Variants in SLCO5A1 observed in about 807,000 individuals in gnomAD.
SLCO5A1 encodes solute carrier organic anion transporter family member 5A1.
In SLCO5A1, 39 loss-of-function variants were observed where a neutral mutation model predicts 65.1. That is an observed-to-expected ratio of 0.60 (90% CI 0.46 to 0.78). SLCO5A1 has a LOEUF of 0.78. Ranked by LOEUF, SLCO5A1 falls within the 30% of genes least tolerant of loss-of-function variation. SLCO5A1 has a pLI of 0.00. For missense variants in SLCO5A1, 1,029 were observed against 1,069.4 expected, an observed-to-expected ratio of 0.96 and a Z score of 0.53; for synonymous variants, 438 against 415.7, an observed-to-expected ratio of 1.05 and a Z score of -0.65.
chr8:69,832,873 G>A lies in SLCO5A1; in HGVS notation c.-200C>T, dbSNP rs1427494682. 3.2e-6 allele frequency: 2 copies of A among 630,394 alleles called. No homozygotes were observed. The highest frequency in any genetic ancestry group is 5.4e-6 in the Non-Finnish European group (2 of 372,034). 39.1% of individuals were successfully genotyped at this position (630,394 alleles called of 1,614,324 possible). ...TCCTGATCACAGACACGGCTTCAAG[G>A]CTCCGCAGCCGCGTGCCACAGGGGG... On this transcript the variant is annotated 5_prime_UTR_variant, in exon 2 of 10. Coordinates refer to ENST00000260126, the MANE Select transcript of SLCO5A1 (RefSeq NM_030958.3). This position sits in a 1 kb window ranked among gnomAD's most constrained non-coding sequence, Gnocchi z 4.5.
At chr8:69,713,128 T>C (rs1334160441) in intron 5 of SLCO5A1, among the ~76,000 whole-genome samples, 1 of 152,206 alleles carries the variant, frequency 6.6e-6, no homozygotes. Context: ...CTCTTATCTG[T>C]TGTGAAATTA....
intron 2 of SLCO5A1, among the ~76,000 whole-genome samples, chr8:69,801,802 G>T (rs1819748773): frequency 6.6e-6 from 1 of 152,192 alleles, no homozygotes; most frequent in Non-Finnish European, 1.5e-5. Context: ...AGAGCAAACA[G>T]TGCAATCTCT....
chr8:69,706,751 C>T (rs916403751), intron 5 of SLCO5A1, among the ~76,000 whole-genome samples: 39 of 152,218 alleles, frequency 2.6e-4, no homozygotes, highest in African/African-American at 8.4e-4. Context: ...AATTTTGTTA[C>T]AGCCACCTGA....
intron 2 of SLCO5A1, among the ~76,000 whole-genome samples, chr8:69,770,758 C>T (rs1057126052): frequency 3.9e-5 from 6 of 152,140 alleles, no homozygotes; most frequent in South Asian, 2.1e-4. Context: ...TCACTGCCCC[C>T]GCCAGTGTTT....
At chr8:69,806,054 C>A (rs1490352157) in intron 2 of SLCO5A1, among the ~76,000 whole-genome samples, 2 of 152,210 alleles carry the variant, frequency 1.3e-5, no homozygotes, top group East Asian at 3.8e-4. Context: ...CACAGTACTA[C>A]TAAATTAGAC....
At chr8:69,694,141 CA>C (rs1175170262) in intron 6 of SLCO5A1, among the ~76,000 whole-genome samples, 1 of 152,198 alleles carries the variant, frequency 6.6e-6, no homozygotes, top group African/African-American at 2.4e-5. Flanking sequence ...TGTGTGCATG[CA>C]GGTGCGTACG....
intron 2 of SLCO5A1, 35 bp from the exon 3 acceptor site, chr8:69,761,910 G>A (rs368265054): frequency 3.2e-5 from 51 of 1,607,472 alleles, no homozygotes; most frequent in African/African-American, 4.0e-5. Flanking sequence ...GAAATACAGC[G>A]ACGTTTTATT....
intron 2 of SLCO5A1, among the ~76,000 whole-genome samples, chr8:69,800,015 A>AT: frequency 6.6e-6 from 1 of 152,166 alleles, no homozygotes; most frequent in South Asian, 2.1e-4. Flanking sequence ...GGTAAATGGT[A>AT]TTTTTTGCTG....
chr8:69,740,460 A>C (rs80253228), intron 4 of SLCO5A1, among the ~76,000 whole-genome samples: 2 of 152,352 alleles, frequency 1.3e-5, no homozygotes, highest in Non-Finnish European at 2.9e-5. Context: ...TTCATGGTTC[A>C]GATAGACAGA....
intron 2 of SLCO5A1, among the ~76,000 whole-genome samples, chr8:69,822,956 C>A (rs1295240717): frequency 6.6e-6 from 1 of 152,232 alleles, no homozygotes; most frequent in African/African-American, 2.4e-5. Context: ...GAAGAGCCAG[C>A]ACCCACCCTG....
At chr8:69,751,398 G>T (rs1338869744) in intron 4 of SLCO5A1, among the ~76,000 whole-genome samples, 1 of 152,026 alleles carries the variant, frequency 6.6e-6, no homozygotes. Flanking sequence ...TGTTATTCCT[G>T]CATAATTTAT....
intron 9 of SLCO5A1, among the ~76,000 whole-genome samples, chr8:69,675,525 C>G (rs780483378): frequency 3.9e-5 from 6 of 152,062 alleles, no homozygotes; most frequent in Non-Finnish European, 7.4e-5. Context: ...TTCCTTTAAA[C>G]AGCATGTTTT....
intron 2 of SLCO5A1, among the ~76,000 whole-genome samples, chr8:69,806,597 C>T (rs917535397): frequency 3.3e-5 from 5 of 152,194 alleles, no homozygotes; most frequent in Non-Finnish European, 7.4e-5. Context: ...CAGAGGAACA[C>T]GTGCAGGAGC....
At chr8:69,812,424 T>C (rs1035043330) in intron 2 of SLCO5A1, among the ~76,000 whole-genome samples, 1 of 152,242 alleles carries the variant, frequency 6.6e-6, no homozygotes, top group Non-Finnish European at 1.5e-5. Context: ...TTGTGTCAAA[T>C]TGCACATTAG....
chr8:69,723,400 A>C (rs1027231692), intron 5 of SLCO5A1, among the ~76,000 whole-genome samples: 1 of 151,910 alleles, frequency 6.6e-6, no homozygotes, highest in African/African-American at 2.4e-5. Flanking sequence ...CACAGGCACA[A>C]GCCACCATGC....
chr8:69,678,674 C>G (rs1489897469), intron 8 of SLCO5A1, among the ~76,000 whole-genome samples: 1 of 151,852 alleles, frequency 6.6e-6, no homozygotes, highest in South Asian at 2.1e-4. Context: ...AATAGCAGCC[C>G]GACCATCATT....
At chr8:69,726,860 A>G (rs941013853) in intron 5 of SLCO5A1, among the ~76,000 whole-genome samples, 2 of 151,932 alleles carry the variant, frequency 1.3e-5, no homozygotes, top group Non-Finnish European at 1.5e-5. Context: ...CCTCCAGATA[A>G]TCTTTCTTAT....
intron 2 of SLCO5A1, among the ~76,000 whole-genome samples, chr8:69,801,920 ACT>A (rs1253139581): frequency 6.6e-6 from 1 of 151,844 alleles, no homozygotes; most frequent in Non-Finnish European, 1.5e-5. Flanking sequence ...CCACCTCCAA[ACT>A]CTGTGTTCCT....
intron 3 of SLCO5A1, 60 bp from the exon 4 acceptor site, chr8:69,755,701 T>G: frequency 6.9e-7 from 1 of 1,451,960 alleles, no homozygotes; most frequent in Non-Finnish European, 9.3e-7. Context: ...TGAGAACAAA[T>G]TAGTAAAGCA....
Sources: gnomAD v4.1 joint callset for allele counts (sites outside exome capture counted in the v4.1 genomes callset) on GRCh38, gnomAD v4.1.1 for gene constraint, Gnocchi (gnomAD v3.1) non-coding constraint, MANE v1.5 for transcripts, NCBI Gene and HGNC (gene_info 2026-07-23, HGNC 2026-07-21) for gene names.